Variants in SEMA5A observed in about 807,000 individuals in gnomAD.
The protein encoded by SEMA5A is semaphorin 5A.
In SEMA5A, 55 loss-of-function variants were observed where a neutral mutation model predicts 135.5. The ratio of observed to expected loss-of-function variants is 0.41; its 90% CI spans 0.33 to 0.51. The LOEUF is 0.51. Ranked by LOEUF, SEMA5A falls within the 20% of genes least tolerant of loss-of-function variation. The pLI is 0.37. For synonymous variants in SEMA5A, 580 were observed against 546.5 expected (o/e 1.06, Z -0.85); for missense variants, 1,290 against 1,419.9 (o/e 0.91, Z 1.47).
At chr5:9,265,417 A>T (rs1463181060) in intron 5 of SEMA5A, 1 of 456,198 alleles carries the variant, frequency 2.2e-6, no homozygotes, top group Admixed American at 2.3e-5. Context: ...CTTCTATGGA[A>T]ACCACAGGCA....
chr5:9,099,799 C>T (rs935119864), intron 16 of SEMA5A, among the ~76,000 whole-genome samples: 2 of 152,174 alleles, frequency 1.3e-5, no homozygotes, highest in African/African-American at 4.8e-5. Flanking sequence ...GGGAGATGAG[C>T]CCCTTGGTGT....
chr5:9,356,853 C>T (rs1290926962), intron 3 of SEMA5A, among the ~76,000 whole-genome samples: 1 of 152,158 alleles, frequency 6.6e-6, no homozygotes, highest in Non-Finnish European at 1.5e-5. Flanking sequence ...TCCTTTCTTC[C>T]AGGATTCCAC....
chr5:9,120,624 T>C (rs1459492915), intron 14 of SEMA5A, among the ~76,000 whole-genome samples: 1 of 152,222 alleles, frequency 6.6e-6, no homozygotes, highest in Non-Finnish European at 1.5e-5. Context: ...CACTGAATTA[T>C]ATTTAAAAAT....
At chr5:9,160,276 T>A (rs1451415944) in intron 11 of SEMA5A, among the ~76,000 whole-genome samples, 2 of 152,162 alleles carry the variant, frequency 1.3e-5, no homozygotes, top group Non-Finnish European at 2.9e-5. Context: ...CACATCTGTG[T>A]CAGAAGGCAA....
intron 1 of SEMA5A, among the ~76,000 whole-genome samples, chr5:9,484,395 T>C (rs1168173541): frequency 6.6e-6 from 1 of 152,178 alleles, no homozygotes; most frequent in Non-Finnish European, 1.5e-5. Context: ...TGTTATTTAG[T>C]GTATCATCAG....
At position 9,108,213 on chromosome 5, in the gene SEMA5A, G is replaced by C; in HGVS notation, c.2000C>G (p.Ala667Gly). Residue 667 changes from alanine to glycine, a missense_variant, in exon 16 of 23, where the codon GCC (alanine) becomes GGC (glycine). Transcript: ENST00000382496. Reference sequence around the variant, plus strand: ...AGCTTGAATGCCACCCCCGCATTGGGCTGTGCACCGTTCCCAAGGACCCCA... The same window carrying C: ...AGCTTGAATGCCACCCCCGCATTGGCCTGTGCACCGTTCCCAAGGACCCCA... ...TGWGPWERCT[A>G]QCGGGIQARR... is the part of the protein sequence containing the mutation. 1 of 1,614,160 alleles carries C rather than the reference G, an allele frequency of 6.2e-7. No individual in the cohort carries two copies. The highest frequency in any genetic ancestry group is 8.5e-7 in the Non-Finnish European group (1 of 1,180,028).
intron 16 of SEMA5A, among the ~76,000 whole-genome samples, chr5:9,096,569 TG>T (rs1314758087): frequency 6.6e-6 from 1 of 151,652 alleles, no homozygotes; most frequent in Non-Finnish European, 1.5e-5. Context: ...TGTGTGTGTG[TG>T]TGTGTGTGTG....
At chr5:9,409,271 C>T (rs1178009514) in intron 2 of SEMA5A, among the ~76,000 whole-genome samples, 1 of 152,198 alleles carries the variant, frequency 6.6e-6, no homozygotes, top group African/African-American at 2.4e-5. Context: ...ATCATTCACC[C>T]AAACACGCCT....
At chr5:9,282,739 A>G (rs1579275974) in intron 5 of SEMA5A, among the ~76,000 whole-genome samples, 1 of 152,136 alleles carries the variant, frequency 6.6e-6, no homozygotes, top group Non-Finnish European at 1.5e-5. Flanking sequence ...ACGTAATTCC[A>G]TCTTCTCACA....
intron 1 of SEMA5A, among the ~76,000 whole-genome samples, chr5:9,478,395 A>C (rs1759751948): frequency 6.6e-6 from 1 of 152,174 alleles, no homozygotes; most frequent in Admixed American, 6.5e-5. Context: ...TGGTAGATCC[A>C]ATGACAGCTT....
chr5:9,410,033 ATC>A (rs776454342), intron 2 of SEMA5A, among the ~76,000 whole-genome samples: 11 of 152,268 alleles, frequency 7.2e-5, no homozygotes, highest in Admixed American at 3.9e-4. Context: ...ATGGGAAAAA[ATC>A]TCTTTTAGCT....
intron 8 of SEMA5A, among the ~76,000 whole-genome samples, chr5:9,207,914 T>C (rs561221904): frequency 1.8e-3 from 196 of 109,114 alleles, no homozygotes; most frequent in African/African-American, 6.8e-3. Context: ...GATAGATAGA[T>C]AATAGATAGA....
intron 11 of SEMA5A, among the ~76,000 whole-genome samples, chr5:9,188,773 C>T (rs996143253): frequency 6.6e-6 from 1 of 152,226 alleles, no homozygotes; most frequent in Non-Finnish European, 1.5e-5. Flanking sequence ...GAGAAACAAT[C>T]CTTCCTTTCT....
chr5:9,078,056 A>C (rs1432451441), intron 16 of SEMA5A, among the ~76,000 whole-genome samples: 1 of 152,254 alleles, frequency 6.6e-6, no homozygotes, highest in Non-Finnish European at 1.5e-5. Flanking sequence ...CCATAAACTT[A>C]CATCTCAAAT....
chr5:9,348,768 A>G (rs1002353391), intron 3 of SEMA5A, among the ~76,000 whole-genome samples: 13 of 152,220 alleles, frequency 8.5e-5, no homozygotes, highest in Non-Finnish European at 1.8e-4. Context: ...TGGCTGTGTA[A>G]ACAGTGATAG....
intron 1 of SEMA5A, among the ~76,000 whole-genome samples, chr5:9,485,423 G>A (rs758897391): frequency 2.0e-5 from 3 of 152,170 alleles, no homozygotes; most frequent in Admixed American, 6.5e-5. Context: ...AACTAAAAAG[G>A]TTGCTGGAAA....
Position 9,181,486 on chromosome 5 carries a change from T to C in SEMA5A, c.1273+8781A>G, listed in dbSNP as rs1227623032. On this transcript the variant is annotated intron_variant, in intron 11 of 22. Coordinates refer to ENST00000382496, the MANE Select transcript of SEMA5A (RefSeq NM_003966.3). ...TCTCCAGTGGCTGGTTTTTCCTCAA[T>C]TGGCAGCCCCCCTGGCACCCCACCA... is the stretch of plus-strand genomic sequence containing the variant. Among the ~76,000 whole-genome samples the C allele has an allele frequency of 3.9e-5, 6 of 152,242 alleles. No homozygotes were observed. The East Asian group carries it at 5.8e-4, about 15-fold the overall frequency.
chr5:9,051,767 T>C (rs913630720), intron 20 of SEMA5A, 106 bp downstream of exon 20: 32 of 1,376,112 alleles, frequency 2.3e-5, no homozygotes, highest in Non-Finnish European at 3.0e-5. Flanking sequence ...GATGGAATCA[T>C]CTCTATTTCA....
chr5:9,052,156 T>C lies in SEMA5A; in HGVS notation c.2690-128A>G, dbSNP rs1224445338. 5.8e-6 allele frequency: 6 copies of C among 1,027,326 alleles called. No individual in the cohort carries two copies. In the East Asian group the frequency reaches 1.6e-4, roughly 28 times the overall value. The allele number at this position is 1,027,326 out of a possible 1,614,324, so 63.6% of individuals were successfully genotyped here. On this transcript the variant is annotated intron_variant, in intron 19 of 22. Transcript: ENST00000382496. ...CCATAGCATATTTTTAATGGTTCTG[T>C]GCATCAGTAAGATGTAGTTGTATCA...
Sources: gnomAD v4.1 joint callset for allele counts (sites outside exome capture counted in the v4.1 genomes callset) on GRCh38, gnomAD v4.1.1 for gene constraint, MANE v1.5 for transcripts, NCBI Gene and HGNC (gene_info 2026-07-23, HGNC 2026-07-21) for gene names.